Variants in HCCS observed in about 807,000 individuals in gnomAD.
The protein encoded by HCCS is holocytochrome c synthase, also known as holocytochrome c-type synthase.
Under a neutral mutation model 24.2 loss-of-function variants are expected in HCCS, and 2 were observed. The ratio of observed to expected loss-of-function variants is 0.08; its 90% CI spans 0.03 to 0.26. The LOEUF (loss-of-function observed/expected upper bound fraction) is 0.26. HCCS is among the 10% of genes least tolerant of loss of function. The pLI is 1.00. For synonymous variants in HCCS, 73 were observed against 76.2 expected, an observed-to-expected ratio of 0.96 and a Z score of 0.22; for missense variants, 150 against 213.3, an observed-to-expected ratio of 0.70 and a Z score of 1.85.
At position 11,121,128 on chromosome X, in the gene HCCS, C is replaced by T. The variant is rs189752632; in HGVS notation, c.608+135C>T. The T allele has an allele frequency of 1.2e-4, 68 of 560,270 alleles. No homozygotes were observed. The African/African-American group carries it at 1.4e-3, about 11-fold the overall frequency. The allele number at this position is 560,270 out of a possible 1,213,427, so 46.2% of individuals were successfully genotyped here. A position where few individuals can be genotyped will look rare whatever the true frequency, so the allele number is the denominator to read the frequency against. On this transcript the variant is annotated intron_variant, in intron 6 of 6. Coordinates refer to ENST00000380762, the MANE Select transcript of HCCS (RefSeq NM_005333.5). The stretch of plus-strand genomic sequence containing the variant: ...CATATTCAACTGTAGATGTCTTTCT[C>T]TCCCTGAGGTTTGCCCATTAATGGG...
intron 3 of HCCS, among the ~76,000 whole-genome samples, 162 bp from the exon 4 acceptor site, chrX:11,117,103 ACT>A (rs913395233): frequency 4.6e-4 from 52 of 112,588 alleles, no homozygotes; most frequent in African/African-American, 1.6e-3. Flanking sequence ...CAGTAATGTG[ACT>A]CTTCAAAACA....
intron 5 of HCCS, 91 bp from the exon 6 acceptor site, chrX:11,120,816 A>G: frequency 1.4e-6 from 1 of 735,577 alleles, no homozygotes; most frequent in Non-Finnish European, 2.2e-6. Context: ...GTATACAGGA[A>G]AAAAATGGAT....
At chrX:11,117,582 G>A (rs922858530) in intron 4 of HCCS, among the ~76,000 whole-genome samples, 167 bp downstream of exon 4, 1 of 111,904 alleles carries the variant, frequency 8.9e-6, no homozygotes, top group Non-Finnish European at 1.9e-5. Context: ...CGAGACCAGT[G>A]TATTAAATCA....
At chrX:11,120,372 G>A (rs1440386033) in intron 5 of HCCS, among the ~76,000 whole-genome samples, 1 of 111,998 alleles carries the variant, frequency 8.9e-6, no homozygotes, top group Non-Finnish European at 1.9e-5. Flanking sequence ...GAGTGCATTT[G>A]CCAGCTAGGA....
At position 11,112,055 on chromosome X, in the gene HCCS, C is replaced by A; in HGVS notation, c.-6C>A. 1 of 1,192,102 alleles carries A rather than the reference C, an allele frequency of 8.4e-7. No individual in the cohort carries two copies. Among genetic ancestry groups the A allele is most frequent in the Non-Finnish European group, 1.1e-6 (1 of 877,272 alleles). The stretch of plus-strand genomic sequence containing the variant: ...AAATTGTTTACAGTCAACACTGTTT[C>A]CAGCCATGGGTTTGTCTCCATCTGC... On this transcript the variant is annotated 5_prime_UTR_variant, in exon 2 of 7. Coordinates refer to ENST00000380762, the MANE Select transcript of HCCS (RefSeq NM_005333.5).
intron 5 of HCCS, among the ~76,000 whole-genome samples, chrX:11,118,887 C>A (rs1269469456): frequency 9.0e-6 from 1 of 111,592 alleles, no homozygotes; most frequent in Non-Finnish European, 1.9e-5. Context: ...GCCTCAGCTG[C>A]AAAGACTTAG....
intron 4 of HCCS, chrX:11,118,291 T>G: frequency 2.1e-6 from 1 of 468,235 alleles, no homozygotes; most frequent in South Asian, 2.5e-5. Context: ...TTTCAATGCT[T>G]CTATAGTAGC....
At chrX:11,114,365 G>C (rs2045433360) in intron 2 of HCCS, among the ~76,000 whole-genome samples, 1 of 111,964 alleles carries the variant, frequency 8.9e-6, no homozygotes, top group African/African-American at 3.3e-5. Flanking sequence ...CTGAGATAAT[G>C]CATCAGTAAT....
At chrX:11,114,529 A>G (rs1235295553) in intron 2 of HCCS, among the ~76,000 whole-genome samples, 4 of 112,558 alleles carry the variant, frequency 3.6e-5, no homozygotes, top group Non-Finnish European at 7.5e-5. Context: ...TACTCAAACC[A>G]TGGCACAGAT....
At chrX:11,114,450 C>A (rs1403324334) in intron 2 of HCCS, among the ~76,000 whole-genome samples, 1 of 111,918 alleles carries the variant, frequency 8.9e-6, no homozygotes, top group Admixed American at 9.4e-5. Flanking sequence ...GTCAAGGAGA[C>A]CCTGTGAAAT....
intron 2 of HCCS, among the ~76,000 whole-genome samples, chrX:11,112,618 C>G (rs2045418595): frequency 8.9e-6 from 1 of 112,729 alleles, no homozygotes; most frequent in Non-Finnish European, 1.9e-5. Context: ...CAAGTTAACT[C>G]TGTTAGCCTC....
intron 5 of HCCS, 117 bp downstream of exon 5, chrX:11,118,737 G>C: frequency 1.3e-6 from 1 of 791,795 alleles, no homozygotes; most frequent in Non-Finnish European, 1.9e-6. Flanking sequence ...AGCAGGCATG[G>C]CTCAGTGACA....
chrX:11,122,743 C>T lies in HCCS; in HGVS notation c.*933C>T, dbSNP rs1428707166. On this transcript the variant is annotated 3_prime_UTR_variant, in exon 7 of 7. Coordinates refer to ENST00000380762, the MANE Select transcript of HCCS (RefSeq NM_005333.5). The stretch of plus-strand genomic sequence containing the variant: ...GAGCATTTTTTTCCCAGATGGAGAA[C>T]GCTTCAACTCAGTCTAGATTTTTTT... 2 of 112,343 alleles carry T rather than the reference C, an allele frequency of 1.8e-5. No homozygotes were observed. The highest frequency in any genetic ancestry group is 3.7e-4 in the South Asian group (1 of 2,728). The allele number at this position is 112,343 out of a possible 1,213,427, so 9.3% of individuals were successfully genotyped here. A position where few individuals can be genotyped will look rare whatever the true frequency, so the allele number is the denominator to read the frequency against.
chrX:11,121,327 C>T (rs769972763), intron 6 of HCCS, among the ~76,000 whole-genome samples: 1 of 112,559 alleles, frequency 8.9e-6, no homozygotes. Context: ...TTGCTCACAC[C>T]TGCATCTCTG....
intron 3 of HCCS, 62 bp downstream of exon 3, chrX:11,115,048 C>A (rs1209857518): frequency 2.0e-6 from 2 of 979,774 alleles, no homozygotes; most frequent in Non-Finnish European, 2.9e-6. Flanking sequence ...TACAGACTCC[C>A]AAGACAAGTT....
At chrX:11,117,860 T>C (rs1044065366) in intron 4 of HCCS, among the ~76,000 whole-genome samples, 19 of 111,922 alleles carry the variant, frequency 1.7e-4, no homozygotes, top group South Asian at 3.8e-4. Context: ...CAAGCAGTCA[T>C]GCAGAAGGCC....
intron 4 of HCCS, 24 bp downstream of exon 4, chrX:11,117,439 T>C (rs770203811): frequency 1.7e-6 from 2 of 1,168,353 alleles, no homozygotes; most frequent in Non-Finnish European, 2.3e-6. Context: ...TTATTTAAGA[T>C]AAAAATTTCT....
At position 11,122,801 on chromosome X, in the gene HCCS, T is replaced by C. The variant is rs980015430; in HGVS notation, c.*991T>C. Reference sequence around the variant, plus strand: ...TTTAAGGAAGCTCTAAGTTTGCCATTGAAACTTTTTGTACCAGTAATCCAT... The same window carrying C: ...TTTAAGGAAGCTCTAAGTTTGCCATCGAAACTTTTTGTACCAGTAATCCAT... On this transcript the variant is annotated 3_prime_UTR_variant, in exon 7 of 7. Transcript: ENST00000380762. The C allele has an allele frequency of 3.6e-5, 4 of 112,665 alleles. No homozygotes were observed. The highest frequency in any genetic ancestry group is 1.3e-4 in the African/African-American group (4 of 30,924). 9.3% of individuals were successfully genotyped at this position (112,665 alleles called of 1,213,427 possible).
chrX:11,116,732 G>A (rs911406367), intron 3 of HCCS, among the ~76,000 whole-genome samples: 1 of 112,559 alleles, frequency 8.9e-6, no homozygotes, highest in African/African-American at 3.2e-5. Flanking sequence ...TGACCCACAT[G>A]TCTGGGAGAA....
Sources: gnomAD v4.1 joint callset for allele counts (sites outside exome capture counted in the v4.1 genomes callset) on GRCh38, gnomAD v4.1.1 for gene constraint, MANE v1.5 for transcripts, NCBI Gene and HGNC (gene_info 2026-07-23, HGNC 2026-07-21) for gene names.